Variants in ASB7 observed in about 807,000 individuals in gnomAD.
The protein encoded by ASB7 is ankyrin repeat and SOCS box containing 7, also known as ankyrin repeat and SOCS box protein 7.
Under a neutral mutation model 32.5 loss-of-function variants are expected in ASB7, and 4 were observed. The ratio of observed to expected loss-of-function variants is 0.12; its 90% confidence interval spans 0.06 to 0.28. ASB7 has a LOEUF of 0.28. Among genes scored for constraint, ASB7 ranks in the 10% least tolerant of loss-of-function variants. The probability of loss-of-function intolerance (pLI) is 1.00; values close to 1 mark genes in which losing one functional copy is unlikely to be tolerated. For synonymous variants in ASB7, 172 were observed against 155.6 expected (o/e 1.11, Z -0.78); for missense variants, 181 against 407.1 (o/e 0.44, Z 4.78).
chr15:100,620,653 G>C (rs1393489930), intron 4 of ASB7, among the ~76,000 whole-genome samples: 2 of 152,082 alleles, frequency 1.3e-5, no homozygotes, highest in African/African-American at 2.4e-5. Flanking sequence ...TAGCCTCTCA[G>C]ACCAGGTTAG....
chr15:100,634,014 A>C (rs1042760219), intron 5 of ASB7, among the ~76,000 whole-genome samples: 7 of 152,218 alleles, frequency 4.6e-5, no homozygotes, highest in African/African-American at 1.7e-4. Flanking sequence ...AGAGAAATTT[A>C]GTGGTTATGA....
intron 4 of ASB7, among the ~76,000 whole-genome samples, chr15:100,620,559 A>G (rs926172202): frequency 2.5e-5 from 2 of 79,832 alleles, no homozygotes; most frequent in African/African-American, 6.3e-5. Context: ...GGTAGTCTTT[A>G]TGGGATGCAT....
intron 2 of ASB7, among the ~76,000 whole-genome samples, chr15:100,605,638 C>A (rs1455241035): frequency 6.6e-6 from 1 of 152,214 alleles, no homozygotes; most frequent in African/African-American, 2.4e-5. Context: ...ACCTGACTTT[C>A]AGCCTTCCAC....
intron 4 of ASB7, among the ~76,000 whole-genome samples, chr15:100,613,404 G>C (rs1305203598): frequency 6.6e-6 from 1 of 152,270 alleles, no homozygotes; most frequent in Non-Finnish European, 1.5e-5. Flanking sequence ...TGCAAGGCAT[G>C]CTAACACTGA....
chr15:100,633,647 A>G (rs1488124467), intron 5 of ASB7, among the ~76,000 whole-genome samples: 1 of 146,294 alleles, frequency 6.8e-6, no homozygotes, highest in Non-Finnish European at 1.5e-5. Context: ...GGAAAGGAAG[A>G]AGGAAGGAGG....
rs959528559 is a variant in ASB7 at position 100,649,328 on chromosome 15, C to T, written c.*866C>T. Reference sequence around the variant, plus strand: ...TTGACATGCCCGTGAGGACAGGAGCCGCCGCTTCAGTTGTCACTGCAGAGC... The same window carrying T: ...TTGACATGCCCGTGAGGACAGGAGCTGCCGCTTCAGTTGTCACTGCAGAGC... On this transcript the variant is annotated 3_prime_UTR_variant, in exon 6 of 6. Coordinates refer to ENST00000332783, the MANE Select transcript of ASB7 (RefSeq NM_198243.3). The T allele has an allele frequency of 1.3e-5, 2 of 152,188 alleles. No homozygotes were observed. Among genetic ancestry groups the T allele is most frequent in the Non-Finnish European group, 2.9e-5 (2 of 68,038 alleles). The allele number at this position is 152,188 out of a possible 1,614,324, so 9.4% of individuals were successfully genotyped here.
chr15:100,623,645 A>G (rs1361143147), intron 4 of ASB7, among the ~76,000 whole-genome samples: 2 of 152,240 alleles, frequency 1.3e-5, no homozygotes, highest in African/African-American at 2.4e-5. Flanking sequence ...GGGACTGTCA[A>G]TTAGTATAAC....
chr15:100,615,639 C>T (rs770130428), intron 4 of ASB7, among the ~76,000 whole-genome samples: 2 of 152,214 alleles, frequency 1.3e-5, no homozygotes, highest in South Asian at 2.1e-4. Context: ...TAGCCCCAGT[C>T]CTTTACTCTT....
chr15:100,638,030 T>G (rs534366897), intron 5 of ASB7, among the ~76,000 whole-genome samples: 1 of 152,192 alleles, frequency 6.6e-6, no homozygotes, highest in Admixed American at 6.5e-5. Flanking sequence ...TTGGATAGTT[T>G]AAAAATTTCT....
At chr15:100,620,669 T>C (rs2039783775) in intron 4 of ASB7, among the ~76,000 whole-genome samples, 1 of 152,204 alleles carries the variant, frequency 6.6e-6, no homozygotes, top group Non-Finnish European at 1.5e-5. Flanking sequence ...GTTAGTGTAC[T>C]GTTAGAATCG....
At chr15:100,613,233 GA>G (rs2039711761) in intron 4 of ASB7, among the ~76,000 whole-genome samples, 1 of 152,220 alleles carries the variant, frequency 6.6e-6, no homozygotes. Context: ...TTGCTCATTA[GA>G]AGTGATTTAG....
At position 100,629,907 on chromosome 15, in the gene ASB7, C is replaced by G; in HGVS notation, c.682C>G (p.Leu228Val). 3 of 1,614,182 alleles carry G rather than the reference C, an allele frequency of 1.9e-6. No individual in the cohort carries two copies. In the South Asian group the frequency reaches 3.3e-5, roughly 18 times the overall value. Reference protein sequence around the residue: ...LHLSALRDDVLCARMLYNYGA... With the variant: ...LHLSALRDDVVCARMLYNYGA... Reference sequence around the variant, plus strand: ...CTTATCTGCCCTTAGGGATGATGTGCTGTGTGCACGGATGTTATATAATTA... The same window carrying G: ...CTTATCTGCCCTTAGGGATGATGTGGTGTGTGCACGGATGTTATATAATTA... Residue 228 changes from leucine (L) to valine (V), a missense_variant, in exon 5 of 6, where the codon CTG becomes GTG. Physicochemically the swap from Leu to Val is conservative, Grantham distance 32. Coordinates refer to ENST00000332783, the MANE Select transcript of ASB7 (RefSeq NM_198243.3). The surrounding 1 kb of genome is among the most constrained non-coding windows in gnomAD (Gnocchi z 6.8).
At chr15:100,640,603 T>A (rs1249189737) in intron 5 of ASB7, among the ~76,000 whole-genome samples, 1 of 152,164 alleles carries the variant, frequency 6.6e-6, no homozygotes, top group Non-Finnish European at 1.5e-5. Context: ...TCCCTCCACC[T>A]CCAATTTCTA....
At position 100,626,349 on chromosome 15, in the gene ASB7, G is replaced by A. The variant is rs951310807; in HGVS notation, c.212-3088G>A. On this transcript the variant is annotated intron_variant, in intron 4 of 5. Coordinates refer to ENST00000332783, the MANE Select transcript of ASB7 (RefSeq NM_198243.3). ...ACAGACAATTCACAAAACAGTATAT[G>A]AATACGTTCAGTATAACTAGTTATT... Among the ~76,000 whole-genome samples, 26 of 152,234 alleles carry A rather than the reference G, an allele frequency of 1.7e-4. 1 individual carries two copies. Among genetic ancestry groups the A allele is most frequent in the African/African-American group, 5.5e-4 (23 of 41,546 alleles).
In ASB7 at chr15:100,630,175, C is replaced by T. The variant is rs921500213; in HGVS notation, c.817+133C>T. The T allele has an allele frequency of 3.0e-6, 4 of 1,352,114 alleles. No homozygotes were observed. In the South Asian group the frequency reaches 7.7e-5, roughly 26 times the overall value. 83.8% of individuals were successfully genotyped at this position (1,352,114 alleles called of 1,614,324 possible). A position where few individuals can be genotyped will look rare whatever the true frequency, so the allele number is the denominator to read the frequency against. On this transcript the variant is annotated intron_variant, in intron 5 of 5. Transcript: ENST00000332783. Reference sequence around the variant, plus strand: ...AACCACTGCTTGGTAAGCGATGCCTCATTCTTCTGAAATAAAAAAAAAACT... The same window carrying T: ...AACCACTGCTTGGTAAGCGATGCCTTATTCTTCTGAAATAAAAAAAAAACT...
rs1450915740 is a variant in ASB7, at chr15:100,602,996, G to A, written c.-323G>A. The stretch of plus-strand genomic sequence containing the variant: ...GTATTTCTTCAATGGAGAAGTTGGT[G>A]AGTGTAGAGGAGGCTGAAAGGAGGA... On this transcript the variant is annotated 5_prime_UTR_variant, in exon 1 of 6. Transcript: ENST00000332783. 2.3e-5 allele frequency: 9 copies of A among 398,874 alleles called. No homozygotes were observed. The highest frequency in any genetic ancestry group is 3.5e-5 in the Non-Finnish European group (8 of 226,306). 24.7% of individuals were successfully genotyped at this position (398,874 alleles called of 1,614,324 possible).
At chr15:100,642,695 C>G (rs189229958) in intron 5 of ASB7, among the ~76,000 whole-genome samples, 105 of 152,360 alleles carry the variant, frequency 6.9e-4, no homozygotes, top group African/African-American at 2.4e-3. Flanking sequence ...CTGCTCCACA[C>G]GTTATTTTCT....
chr15:100,634,160 GT>G (rs574318448), intron 5 of ASB7, among the ~76,000 whole-genome samples: 1 of 152,110 alleles, frequency 6.6e-6, no homozygotes, highest in Non-Finnish European at 1.5e-5. Context: ...GAGTTACTGA[GT>G]TTTTTTTCTT....
intron 5 of ASB7, among the ~76,000 whole-genome samples, chr15:100,633,349 G>C (rs780961489): frequency 5.9e-5 from 9 of 152,152 alleles, no homozygotes; most frequent in Non-Finnish European, 1.2e-4. Context: ...GGCTGAGGCG[G>C]GTGGGTCACC....
Sources: allele counts gnomAD v4.1 joint callset (sites outside exome capture counted in the v4.1 genomes callset), GRCh38; gene constraint gnomAD v4.1.1; non-coding constraint Gnocchi (gnomAD v3.1); transcripts MANE v1.5; gene names NCBI Gene and HGNC (gene_info 2026-07-23, HGNC 2026-07-21).